Variants in SPINK4 observed in about 807,000 individuals in gnomAD.
The protein encoded by SPINK4 is serine peptidase inhibitor Kazal type 4, also known as serine protease inhibitor Kazal-type 4.
Under a neutral mutation model 12.3 loss-of-function variants are expected in SPINK4, and 10 were observed. That is an observed-to-expected ratio of 0.81 (90% CI 0.50 to 1.37). The LOEUF is 1.37. SPINK4 is among the 40% of genes most tolerant of loss of function. The probability of loss-of-function intolerance (pLI) is 0.00; values close to 1 mark genes in which losing one functional copy is unlikely to be tolerated. For missense variants in SPINK4, 91 were observed against 109.0 expected, an observed-to-expected ratio of 0.84 and a Z score of 0.73; for synonymous variants, 37 against 40.2, an observed-to-expected ratio of 0.92 and a Z score of 0.30.
At position 33,247,040 on chromosome 9, in the gene SPINK4, C is replaced by T. The variant is rs78617578; in HGVS notation, c.215+312C>T. Among the ~76,000 whole-genome samples, 96 of 152,212 alleles carry T rather than the reference C, an allele frequency of 6.3e-4. 1 individual carries two copies. In the East Asian group the frequency reaches 0.016, roughly 25 times the overall value. ...CCAGCAATTATTTATTGAGCATTTA[C>T]TATGTGCTAGGCACTGGGGCTAGAA... On this transcript the variant is annotated intron_variant, in intron 3 of 3. Transcript: ENST00000379721.
At chr9:33,241,881 A>G (rs1190688385) in intron 1 of SPINK4, among the ~76,000 whole-genome samples, 2 of 151,812 alleles carry the variant, frequency 1.3e-5, no homozygotes, top group African/African-American at 4.8e-5. Flanking sequence ...TTTTATTTAA[A>G]CAAAAATTTT....
intron 2 of SPINK4, 72 bp from the exon 3 acceptor site, chr9:33,246,544 C>T (rs890765455): frequency 2.5e-5 from 34 of 1,379,460 alleles, no homozygotes; most frequent in African/African-American, 2.1e-4. Context: ...CCACTGGTTC[C>T]GAGCAGAACC....
At chr9:33,245,243 C>G (rs1820274014) in intron 2 of SPINK4, 91 bp downstream of exon 2, 2 of 1,385,318 alleles carry the variant, frequency 1.4e-6, no homozygotes, top group African/African-American at 1.4e-5. Flanking sequence ...CTCCACGATC[C>G]TGCTCAGACA....
In SPINK4 at chr9:33,246,738, C is replaced by T. The variant is rs1457294729; in HGVS notation, c.215+10C>T. The T allele has an allele frequency of 2.5e-6, 4 of 1,612,070 alleles. No individual in the cohort carries two copies. In the Admixed American group the frequency reaches 6.7e-5, roughly 27 times the overall value. On this transcript the variant is annotated intron_variant, in intron 3 of 3. Transcript: ENST00000379721. ...TCTGCTTGGCCCGGATGTAAGTCTG[C>T]CCCACAACCCCTGCTTGCTTGGGTG...
intron 1 of SPINK4, among the ~76,000 whole-genome samples, chr9:33,241,644 C>T (rs1820235594): frequency 6.6e-6 from 1 of 152,038 alleles, no homozygotes; most frequent in Non-Finnish European, 1.5e-5. Context: ...CAGTTGGGAA[C>T]ACTGAAAAGC....
At chr9:33,241,767 G>A (rs1820237042) in intron 1 of SPINK4, among the ~76,000 whole-genome samples, 1 of 152,108 alleles carries the variant, frequency 6.6e-6, no homozygotes, top group African/African-American at 2.4e-5. Context: ...AAGGTCAAGG[G>A]CAGCCTGGGG....
At chr9:33,248,077 G>C in intron 3 of SPINK4, 1 of 263,812 alleles carries the variant, frequency 3.8e-6, no homozygotes, top group Non-Finnish European at 7.3e-6. Context: ...CCAGTTCTGT[G>C]GGGGGCAGTG....
At chr9:33,248,146 C>G (rs1339884686) in intron 3 of SPINK4, 1 of 457,124 alleles carries the variant, frequency 2.2e-6, no homozygotes. Context: ...ACTGCATGAA[C>G]AGGTAGGACA....
chr9:33,246,560 A>C, intron 2 of SPINK4, 56 bp from the exon 3 acceptor site: 6 of 1,478,842 alleles, frequency 4.1e-6, no homozygotes, highest in African/African-American at 1.4e-5. Context: ...GAACCCCTGT[A>C]TCCCTCCCCA....
chr9:33,245,184 C>G (rs757801905), intron 2 of SPINK4, 32 bp downstream of exon 2: 2 of 1,609,306 alleles, frequency 1.2e-6, no homozygotes, highest in Non-Finnish European at 1.7e-6. Flanking sequence ...CTCACCTTCT[C>G]TCTGCTGAGA....
At chr9:33,240,869 A>C (rs1486636954) in intron 1 of SPINK4, among the ~76,000 whole-genome samples, 1 of 152,216 alleles carries the variant, frequency 6.6e-6, no homozygotes, top group African/African-American at 2.4e-5. Context: ...AGTGACCCAA[A>C]CAGAAAAAGC....
intron 1 of SPINK4, 79 bp downstream of exon 1, chr9:33,240,348 A>G: frequency 7.3e-7 from 1 of 1,365,902 alleles, no homozygotes; most frequent in Non-Finnish European, 9.9e-7. Context: ...CAGGGCCTGG[A>G]GCACCCTGTG....
chr9:33,242,015 G>T (rs1564073110), intron 1 of SPINK4, among the ~76,000 whole-genome samples: 2 of 152,100 alleles, frequency 1.3e-5, no homozygotes, highest in Admixed American at 6.5e-5. Flanking sequence ...GAGTAGCTGG[G>T]ATTACAGGCA....
At chr9:33,240,786 C>G (rs1367629741) in intron 1 of SPINK4, among the ~76,000 whole-genome samples, 1 of 152,206 alleles carries the variant, frequency 6.6e-6, no homozygotes, top group Non-Finnish European at 1.5e-5. Context: ...GCAGGGCCCT[C>G]TCAGGATCTG....
intron 1 of SPINK4, among the ~76,000 whole-genome samples, chr9:33,242,425 G>A (rs1395521405): frequency 7.0e-6 from 1 of 143,648 alleles, no homozygotes; most frequent in Non-Finnish European, 1.5e-5. Flanking sequence ...GAACGGAGAC[G>A]AAGACATTTC....
chr9:33,243,248 T>C (rs1474568754), intron 1 of SPINK4, among the ~76,000 whole-genome samples: 1 of 152,048 alleles, frequency 6.6e-6, no homozygotes, highest in Non-Finnish European at 1.5e-5. Context: ...AAATTTTGTA[T>C]TTTTAGTAGA....
intron 3 of SPINK4, among the ~76,000 whole-genome samples, chr9:33,247,573 G>A (rs1338167253): frequency 3.3e-5 from 5 of 152,074 alleles, no homozygotes; most frequent in Non-Finnish European, 7.4e-5. Context: ...AATTTGAAAA[G>A]GTCTACAAGG....
intron 3 of SPINK4, among the ~76,000 whole-genome samples, chr9:33,246,992 C>T (rs912107122): frequency 6.6e-6 from 1 of 151,986 alleles, no homozygotes; most frequent in Non-Finnish European, 1.5e-5. Context: ...TAGGTGACCT[C>T]ATCTGTTTTT....
At chr9:33,248,212 C>A (rs898078391) in intron 3 of SPINK4, 19 of 572,266 alleles carry the variant, frequency 3.3e-5, no homozygotes, top group Middle Eastern at 9.4e-4. Flanking sequence ...GTGGTGGAAA[C>A]CCCAGGAAGC....
Sources: allele counts gnomAD v4.1 joint callset (sites outside exome capture counted in the v4.1 genomes callset), GRCh38; gene constraint gnomAD v4.1.1; transcripts MANE v1.5; gene names NCBI Gene and HGNC (gene_info 2026-07-23, HGNC 2026-07-21).